Variants in NCKAP5 observed in about 807,000 individuals in gnomAD.
NCKAP5 encodes nck-associated protein 5.
In NCKAP5, 92 loss-of-function variants were observed where a neutral mutation model predicts 167.0. The ratio of observed to expected loss-of-function variants is 0.55; its 90% CI spans 0.47 to 0.66. The LOEUF (loss-of-function observed/expected upper bound fraction) is 0.66. Among genes scored for constraint, NCKAP5 ranks in the 30% least tolerant of loss-of-function variants. NCKAP5 has a pLI of 0.00. For missense variants in NCKAP5, 2,378 were observed against 2,315.0 expected, an observed-to-expected ratio of 1.03 and a Z score of -0.56; for synonymous variants, 891 against 877.4, an observed-to-expected ratio of 1.02 and a Z score of -0.27.
chr2:132,938,882 C>T (rs889130247), intron 8 of NCKAP5, among the ~76,000 whole-genome samples: 4 of 152,102 alleles, frequency 2.6e-5, no homozygotes, highest in African/African-American at 7.2e-5. Context: ...CAGTCCCTTG[C>T]CCCAGCCCCC....
intron 3 of NCKAP5, among the ~76,000 whole-genome samples, chr2:133,443,512 T>C (rs1001042894): frequency 6.6e-6 from 1 of 152,174 alleles, no homozygotes; most frequent in African/African-American, 2.4e-5. Context: ...TGCTCCTCCA[T>C]GGGAAGGGCC....
At chr2:132,985,212 T>A (rs952003715) in intron 7 of NCKAP5, among the ~76,000 whole-genome samples, 3 of 152,026 alleles carry the variant, frequency 2.0e-5, no homozygotes, top group Non-Finnish European at 4.4e-5. Flanking sequence ...AAACGTCTAA[T>A]AGGAAAAGCA....
At chr2:133,606,588 T>C in the NCKAP5 span, among the ~76,000 whole-genome samples, 1 of 152,260 alleles carries the variant, frequency 6.6e-6, no homozygotes, top group East Asian at 1.9e-4. Flanking sequence ...TCTCAAACTC[T>C]AGGATGTATC....
At chr2:133,621,101 T>C in the NCKAP5 span, among the ~76,000 whole-genome samples, 5 of 152,040 alleles carry the variant, frequency 3.3e-5, no homozygotes, top group Non-Finnish European at 7.4e-5. Context: ...TCTATCAAAA[T>C]TTCTCGGATA....
chr2:133,026,586 T>C (rs759554189), intron 6 of NCKAP5, among the ~76,000 whole-genome samples: 2 of 152,216 alleles, frequency 1.3e-5, no homozygotes, highest in African/African-American at 2.4e-5. Context: ...GAGGAAAAGA[T>C]GTGACCTTCA....
At chr2:133,502,433 G>A (rs886265567) in intron 3 of NCKAP5, among the ~76,000 whole-genome samples, 2 of 152,192 alleles carry the variant, frequency 1.3e-5, no homozygotes, top group Non-Finnish European at 2.9e-5. Context: ...TGGTGGTGGT[G>A]TTTGATGACT....
intron 3 of NCKAP5, among the ~76,000 whole-genome samples, chr2:133,348,946 T>TA (rs1181119076): frequency 6.6e-6 from 1 of 152,222 alleles, no homozygotes; most frequent in Non-Finnish European, 1.5e-5. Context: ...GGTCTTCCAA[T>TA]ACTGGTGTGT....
At chr2:133,532,021 A>G (rs1685406134) in intron 2 of NCKAP5, among the ~76,000 whole-genome samples, 1 of 152,174 alleles carries the variant, frequency 6.6e-6, no homozygotes, top group African/African-American at 2.4e-5. Flanking sequence ...TTATATTTCT[A>G]CTGTGTATGC....
intron 3 of NCKAP5, among the ~76,000 whole-genome samples, chr2:133,356,744 C>T (rs1323702615): frequency 1.3e-5 from 2 of 152,164 alleles, no homozygotes; most frequent in Non-Finnish European, 2.9e-5. Context: ...AATACTTACA[C>T]TTTTTGAGAA....
intron 5 of NCKAP5, among the ~76,000 whole-genome samples, chr2:133,132,157 G>C (rs769862211): frequency 6.6e-6 from 1 of 151,822 alleles, no homozygotes; most frequent in Non-Finnish European, 1.5e-5. Flanking sequence ...GTGTGTTGGC[G>C]GGTGCCTATA....
At chr2:133,105,504 C>G (rs1234040009) in intron 6 of NCKAP5, among the ~76,000 whole-genome samples, 2 of 152,198 alleles carry the variant, frequency 1.3e-5, no homozygotes, top group African/African-American at 4.8e-5. Context: ...TCTCTCTACT[C>G]TTTTGAACTC....
intron 8 of NCKAP5, among the ~76,000 whole-genome samples, chr2:132,897,758 T>C (rs1221118919): frequency 6.6e-6 from 1 of 152,224 alleles, no homozygotes; most frequent in East Asian, 1.9e-4. Flanking sequence ...CACTATAGTA[T>C]ATTAAGTATG....
At chr2:132,937,811 C>T (rs937743771) in intron 8 of NCKAP5, among the ~76,000 whole-genome samples, 1 of 152,184 alleles carries the variant, frequency 6.6e-6, no homozygotes, top group Non-Finnish European at 1.5e-5. Flanking sequence ...TGGCTGGCAT[C>T]CACTATAAAT....
intron 16 of NCKAP5, among the ~76,000 whole-genome samples, chr2:132,751,619 C>T (rs1680123268): frequency 6.6e-6 from 1 of 152,162 alleles, no homozygotes; most frequent in Non-Finnish European, 1.5e-5. Flanking sequence ...TATTTCAAGG[C>T]CTCCATCATC....
Position 132,994,210 on chromosome 2 carries a change from T to C in NCKAP5, c.371A>G (p.Gln124Arg). 6.3e-7 allele frequency: 1 copy of C among 1,590,968 alleles called. No individual in the cohort carries two copies. Among genetic ancestry groups the C allele is most frequent in the Admixed American group, 1.8e-5 (1 of 56,792 alleles). ...TTTCTGCTCTGGAGATCCTTGACTC[T>C]GCAATAGATTTCGTACTGTTTCTTC... ...RMEETVRNLL[Q>R]SQGSPEQKKE... Residue 124 changes from glutamine to arginine, a missense_variant, in exon 7 of 20, where the codon CAG becomes CGG. This residue lies in a region of NCKAP5 where 1,049 missense variants were observed against 1,023.4 expected (regional missense o/e 1.02). Coordinates refer to ENST00000409261, the MANE Select transcript of NCKAP5 (RefSeq NM_207363.3).
chr2:133,522,432 C>A (rs975643418), intron 2 of NCKAP5, among the ~76,000 whole-genome samples: 4 of 152,128 alleles, frequency 2.6e-5, no homozygotes, highest in African/African-American at 9.7e-5. Context: ...AGGCAGCAAG[C>A]CTTCCTTGGG....
chr2:133,595,373 C>T, the NCKAP5 span, among the ~76,000 whole-genome samples: 16 of 129,912 alleles, frequency 1.2e-4, no homozygotes, highest in Admixed American at 9.5e-4. Context: ...CATCCTCCCC[C>T]TTCTTCTTCC....
chr2:132,726,076 CT>C (rs1258748394), intron 18 of NCKAP5, among the ~76,000 whole-genome samples: 1 of 152,170 alleles, frequency 6.6e-6, no homozygotes, highest in African/African-American at 2.4e-5. Context: ...TTGTACACTT[CT>C]TTATAGGGTC....
At chr2:132,840,565 C>A (rs761483198) in intron 11 of NCKAP5, among the ~76,000 whole-genome samples, 16 of 152,152 alleles carry the variant, frequency 1.1e-4, no homozygotes, top group Non-Finnish European at 5.9e-5. Context: ...GTGTAAGCCA[C>A]TGTGCATGGC....
Sources: allele counts gnomAD v4.1 joint callset (sites outside exome capture counted in the v4.1 genomes callset), GRCh38; gene constraint gnomAD v4.1.1; regional missense constraint gnomAD v4.1.1; transcripts MANE v1.5; gene names NCBI Gene and HGNC (gene_info 2026-07-23, HGNC 2026-07-21).